Variants in TNIK observed in about 807,000 individuals in gnomAD.
The protein encoded by TNIK is TRAF2 and NCK interacting kinase.
Under a neutral mutation model 191.3 loss-of-function variants are expected in TNIK, and 49 were observed. The ratio of observed to expected loss-of-function variants is 0.26; its 90% CI spans 0.20 to 0.32. TNIK has a LOEUF of 0.32. Ranked by LOEUF, TNIK falls within the 10% of genes least tolerant of loss-of-function variation. The pLI, the probability that TNIK is intolerant of heterozygous loss-of-function variation, is 1.00. For synonymous variants in TNIK, 594 were observed against 600.9 expected, an observed-to-expected ratio of 0.99 and a Z score of 0.17; for missense variants, 1,155 against 1,702.3, an observed-to-expected ratio of 0.68 and a Z score of 5.66.
intron 3 of TNIK, among the ~76,000 whole-genome samples, chr3:171,224,994 C>T (rs1402745514): frequency 6.6e-6 from 1 of 152,042 alleles, no homozygotes; most frequent in Non-Finnish European, 1.5e-5. Context: ...AGAATAAAAA[C>T]AATAATTTAA....
chr3:171,283,407 T>A (rs772275668), intron 2 of TNIK, among the ~76,000 whole-genome samples: 4 of 152,160 alleles, frequency 2.6e-5, no homozygotes, highest in Non-Finnish European at 5.9e-5. Flanking sequence ...ATAGTATAAC[T>A]AAAGGAAGGG....
intron 10 of TNIK, among the ~76,000 whole-genome samples, chr3:171,161,776 C>T (rs991030838): frequency 5.9e-5 from 9 of 151,720 alleles, no homozygotes; most frequent in African/African-American, 9.7e-5. Flanking sequence ...AAAAATTAGC[C>T]GGGCGTGGTG....
intron 1 of TNIK, among the ~76,000 whole-genome samples, chr3:171,454,461 A>C (rs7615470): frequency 0.74 from 111,860 of 152,124 alleles, 42,063 homozygotes; most frequent in African/African-American, 0.9. Context: ...ACAAAATATT[A>C]CATGACCTCC....
At chr3:171,078,057 C>G (rs1720215652) in intron 28 of TNIK, among the ~76,000 whole-genome samples, 1 of 152,102 alleles carries the variant, frequency 6.6e-6, no homozygotes, top group Admixed American at 6.5e-5. Flanking sequence ...TGTATGTAAA[C>G]TGTTTGTTAT....
chr3:171,201,890 C>A (rs1739460532), intron 4 of TNIK, among the ~76,000 whole-genome samples: 1 of 152,110 alleles, frequency 6.6e-6, no homozygotes. Flanking sequence ...TTTAAGACTT[C>A]CAAAGACAAA....
chr3:171,242,052 T>C (rs1393854257), intron 2 of TNIK, among the ~76,000 whole-genome samples: 2 of 151,312 alleles, frequency 1.3e-5, no homozygotes, highest in Admixed American at 6.6e-5. Flanking sequence ...CATTAGGAGA[T>C]ACACCTAATG....
At chr3:171,273,802 C>T (rs558223134) in intron 2 of TNIK, among the ~76,000 whole-genome samples, 63 of 152,154 alleles carry the variant, frequency 4.1e-4, no homozygotes, top group Non-Finnish European at 7.6e-4. Context: ...GATGTCATGA[C>T]AACTGATAAT....
At chr3:171,384,048 G>A (rs1385017605) in intron 1 of TNIK, among the ~76,000 whole-genome samples, 3 of 152,162 alleles carry the variant, frequency 2.0e-5, no homozygotes, top group Middle Eastern at 3.2e-3. Context: ...CCCGCATTCT[G>A]TGTCCTTGTT....
intron 1 of TNIK, among the ~76,000 whole-genome samples, chr3:171,434,834 A>G (rs770357889): frequency 5.3e-5 from 8 of 152,078 alleles, no homozygotes; most frequent in Non-Finnish European, 1.2e-4. Flanking sequence ...TACATTATAT[A>G]TTATTATTGG....
intron 2 of TNIK, among the ~76,000 whole-genome samples, chr3:171,295,599 A>G (rs769639939): frequency 1.3e-5 from 2 of 152,218 alleles, no homozygotes; most frequent in East Asian, 3.8e-4. Context: ...TGACAGTTCA[A>G]TTAGGTAACT....
Position 171,138,204 on chromosome 3 carries a change from G to C in TNIK, c.1595C>G (p.Ala532Gly), listed in dbSNP as rs776213642. 1 of 1,601,964 alleles carries C rather than the reference G, an allele frequency of 6.2e-7. No individual in the cohort carries two copies. Among genetic ancestry groups the C allele is most frequent in the Admixed American group, 1.7e-5 (1 of 57,156 alleles). ...TTGCTTACTTACCTCCTTGGCCCAT[G>C]CTGGCTTCTCACTAGGACTCATTCC... Reference protein sequence around the residue: ...KEGMSPSEKPAWAKEVEERSR... With the variant: ...KEGMSPSEKPGWAKEVEERSR... The change falls in exon 15 of 33, where the codon GCA becomes GGA. Residue 532 changes from alanine to glycine, a missense_variant. By Grantham distance (60) the Ala-to-Gly change is moderately conservative (BLOSUM62 0). Coordinates refer to ENST00000436636, the MANE Select transcript of TNIK (RefSeq NM_015028.4).
At chr3:171,426,224 C>T (rs1459679615) in intron 1 of TNIK, among the ~76,000 whole-genome samples, 1 of 151,764 alleles carries the variant, frequency 6.6e-6, no homozygotes, top group East Asian at 1.9e-4. Context: ...ACAATGCAGC[C>T]ATAAAAAATG....
At chr3:171,381,994 C>A (rs556978597) in intron 1 of TNIK, among the ~76,000 whole-genome samples, 4 of 152,318 alleles carry the variant, frequency 2.6e-5, no homozygotes, top group South Asian at 2.1e-4. Flanking sequence ...TATGTCTGAA[C>A]TTCTTTATCT....
chr3:171,377,715 T>C (rs1048594351), intron 1 of TNIK, among the ~76,000 whole-genome samples: 1 of 152,140 alleles, frequency 6.6e-6, no homozygotes, highest in Non-Finnish European at 1.5e-5. Context: ...GACTGTAAAG[T>C]AAAGGTAAAA....
intron 23 of TNIK, among the ~76,000 whole-genome samples, chr3:171,089,432 G>C (rs1293236581): frequency 6.6e-6 from 1 of 152,064 alleles, no homozygotes; most frequent in African/African-American, 2.4e-5. Context: ...CCTCTCTTTA[G>C]CATAAATCAC....
Position 171,250,264 on chromosome 3 carries a change from C to G in TNIK, c.124-22043G>C, listed in dbSNP as rs148695373. Among the ~76,000 whole-genome samples the G allele has an allele frequency of 1.4e-4, 22 of 152,244 alleles. No individual in the cohort carries two copies. The East Asian group carries it at 3.1e-3, about 21-fold the overall frequency. ...CACCCTCTAATTTTCATGGGACAGG[C>G]CTTGGAGAGACTGACCCAGTCTTGT... On this transcript the variant is annotated intron_variant, in intron 2 of 32. Coordinates refer to ENST00000436636, the MANE Select transcript of TNIK (RefSeq NM_015028.4).
At chr3:171,386,120 G>A (rs1247011763) in intron 1 of TNIK, among the ~76,000 whole-genome samples, 1 of 152,152 alleles carries the variant, frequency 6.6e-6, no homozygotes, top group Non-Finnish European at 1.5e-5. Flanking sequence ...GCTACAGGGG[G>A]ACCTTCATAA....
chr3:171,194,682 C>T (rs549881789), intron 4 of TNIK, 47 bp from the exon 5 acceptor site: 40 of 1,552,554 alleles, frequency 2.6e-5, no homozygotes, highest in African/African-American at 5.4e-5. Flanking sequence ...TGCTTCACTG[C>T]TTCCATTAAG....
At chr3:171,138,526 G>GCCT in intron 14 of TNIK, 147 bp from the exon 15 acceptor site, 1 of 731,818 alleles carries the variant, frequency 1.4e-6, no homozygotes, top group South Asian at 2.8e-5. Flanking sequence ...AAGGATGTCA[G>GCCT]GATGTGCCAC....
Sources: gnomAD v4.1 joint callset for allele counts (sites outside exome capture counted in the v4.1 genomes callset) on GRCh38, gnomAD v4.1.1 for gene constraint, MANE v1.5 for transcripts, NCBI Gene and HGNC (gene_info 2026-07-23, HGNC 2026-07-21) for gene names.